The following MAF variants were observed in gnomAD, a reference collection of about 807,000 sequenced individuals.
MAF encodes transcription factor Maf.
Under a neutral mutation model 22.0 loss-of-function variants are expected in MAF, and 10 were observed. That is an observed-to-expected ratio of 0.45 (90% CI 0.28 to 0.77). The LOEUF (loss-of-function observed/expected upper bound fraction) is 0.77. Among genes scored for constraint, MAF ranks in the 30% least tolerant of loss-of-function variants. MAF has a pLI of 0.12. For missense variants in MAF, 544 were observed against 548.4 expected (o/e 0.99, Z 0.08); for synonymous variants, 337 against 255.8 (o/e 1.32, Z -3.03).
At chr16:79,474,520 C>G in the MAF span, among the ~76,000 whole-genome samples, 1 of 152,116 alleles carries the variant, frequency 6.6e-6, no homozygotes, top group Non-Finnish European at 1.5e-5. Context: ...CTGCCAAGCC[C>G]AGCATGCTTG....
At chr16:79,556,195 G>A in the MAF span, among the ~76,000 whole-genome samples, 1 of 152,136 alleles carries the variant, frequency 6.6e-6, no homozygotes, top group Non-Finnish European at 1.5e-5. Flanking sequence ...GCATACCACT[G>A]TCTCTAAGCT....
chr16:79,526,775 T>G, the MAF span, among the ~76,000 whole-genome samples: 1 of 152,218 alleles, frequency 6.6e-6, no homozygotes, highest in African/African-American at 2.4e-5. Flanking sequence ...CAAGCTACTT[T>G]TGAAGTCACC....
chr16:79,418,607 G>T, the MAF span, among the ~76,000 whole-genome samples: 1 of 152,262 alleles, frequency 6.6e-6, no homozygotes, highest in South Asian at 2.1e-4. Context: ...CTCACTCTAG[G>T]TATGGAAAGC....
chr16:79,507,517 T>A, the MAF span, among the ~76,000 whole-genome samples: 3 of 146,942 alleles, frequency 2.0e-5, no homozygotes, highest in Non-Finnish European at 4.5e-5. Flanking sequence ...CCCTGCCTCC[T>A]GGGTTCATGC....
At chr16:79,403,928 C>G in the MAF span, among the ~76,000 whole-genome samples, 2 of 152,130 alleles carry the variant, frequency 1.3e-5, no homozygotes, top group African/African-American at 4.8e-5. Flanking sequence ...TGGTGCTTCT[C>G]TCCTGGAAAA....
the MAF span, among the ~76,000 whole-genome samples, chr16:79,564,219 T>C: frequency 6.6e-6 from 1 of 152,234 alleles, no homozygotes; most frequent in African/African-American, 2.4e-5. Context: ...ATTTTTTGTT[T>C]TGTTTTGTTT....
chr16:79,310,519 A>T, the MAF span, among the ~76,000 whole-genome samples: 1 of 152,180 alleles, frequency 6.6e-6, no homozygotes, highest in African/African-American at 2.4e-5. Flanking sequence ...TTGCTTTCAC[A>T]TCTGGAGTTC....
chr16:79,577,871 A>G, the MAF span, among the ~76,000 whole-genome samples: 1 of 152,160 alleles, frequency 6.6e-6, no homozygotes, highest in African/African-American at 2.4e-5. Flanking sequence ...TAAAACTTCC[A>G]TCGACCCCTT....
chr16:79,532,691 C>A, the MAF span, among the ~76,000 whole-genome samples: 1 of 152,152 alleles, frequency 6.6e-6, no homozygotes, highest in East Asian at 1.9e-4. Flanking sequence ...ATAAAGCATT[C>A]GTGTGTGAGT....
At chr16:79,430,594 G>A in the MAF span, among the ~76,000 whole-genome samples, 1 of 152,212 alleles carries the variant, frequency 6.6e-6, no homozygotes, top group African/African-American at 2.4e-5. Context: ...ACATTTGCAG[G>A]AAATGTCTGC....
chr16:79,227,156 C>T, the MAF span, among the ~76,000 whole-genome samples: 1 of 151,970 alleles, frequency 6.6e-6, no homozygotes, highest in Non-Finnish European at 1.5e-5. Context: ...TGGTCTCAAC[C>T]CCATCTCTAC....
At chr16:79,465,321 G>A in the MAF span, among the ~76,000 whole-genome samples, 6 of 152,180 alleles carry the variant, frequency 3.9e-5, no homozygotes, top group Non-Finnish European at 7.3e-5. Flanking sequence ...GGCAGGGCGT[G>A]GTGGCTTATG....
the MAF span, among the ~76,000 whole-genome samples, chr16:79,544,378 A>T: frequency 2.0e-5 from 3 of 152,218 alleles, no homozygotes; most frequent in Non-Finnish European, 2.9e-5. Context: ...ATCAGCAGAG[A>T]AAGTTTTACT....
chr16:79,451,988 C>T, the MAF span, among the ~76,000 whole-genome samples: 2 of 87,456 alleles, frequency 2.3e-5, no homozygotes, highest in South Asian at 5.1e-4. Context: ...TGCAGGAGTC[C>T]GCAAAGGTTG....
chr16:79,340,053 G>A, the MAF span, among the ~76,000 whole-genome samples: 1 of 152,192 alleles, frequency 6.6e-6, no homozygotes, highest in Non-Finnish European at 1.5e-5. Context: ...TCCAGTCTGT[G>A]TCACTAAAGT....
chr16:79,251,583 C>T, the MAF span, among the ~76,000 whole-genome samples: 1 of 151,032 alleles, frequency 6.6e-6, no homozygotes, highest in African/African-American at 2.4e-5. Flanking sequence ...TCCCAAAGTG[C>T]TGGCATGAGC....
the MAF span, among the ~76,000 whole-genome samples, chr16:79,330,509 T>C: frequency 6.6e-6 from 1 of 152,152 alleles, no homozygotes; most frequent in South Asian, 2.1e-4. Context: ...GCTGGTAGCC[T>C]GAAGTTAAAT....
the MAF span, among the ~76,000 whole-genome samples, chr16:79,475,449 G>A: frequency 2.0e-5 from 3 of 151,452 alleles, no homozygotes; most frequent in Non-Finnish European, 4.4e-5. Context: ...AACGAACAAT[G>A]CACTTCACTC....
At chr16:79,463,989 C>T in the MAF span, among the ~76,000 whole-genome samples, 1 of 149,890 alleles carries the variant, frequency 6.7e-6, no homozygotes, top group Non-Finnish European at 1.5e-5. Context: ...AAAATACGGA[C>T]GATAAAAAGG....
Sources: gnomAD v4.1 joint callset for allele counts (sites outside exome capture counted in the v4.1 genomes callset) on GRCh38, gnomAD v4.1.1 for gene constraint, MANE v1.5 for transcripts, NCBI Gene and HGNC (gene_info 2026-07-23, HGNC 2026-07-21) for gene names.